Variants in ITSN1 observed in about 807,000 individuals in gnomAD.
ITSN1 encodes intersectin-1.
In ITSN1, 58 loss-of-function variants were observed where a neutral mutation model predicts 239.8. That is an observed-to-expected ratio of 0.24 (90% CI 0.20 to 0.30). The LOEUF is 0.30. Among genes scored for constraint, ITSN1 ranks in the 10% least tolerant of loss-of-function variants. ITSN1 has a pLI of 1.00. For synonymous variants in ITSN1, 780 were observed against 770.8 expected, an observed-to-expected ratio of 1.01 and a Z score of -0.20; for missense variants, 1,558 against 2,103.3, an observed-to-expected ratio of 0.74 and a Z score of 5.07.
At chr21:33,839,402 C>T (rs1044599364) in intron 29 of ITSN1, among the ~76,000 whole-genome samples, 1 of 151,812 alleles carries the variant, frequency 6.6e-6, no homozygotes, top group African/African-American at 2.4e-5. Flanking sequence ...GCCATTTGAG[C>T]TGAGACCTGA....
chr21:33,867,211 A>G, intron 32 of ITSN1, 22 bp from the exon 33 acceptor site: 5 of 1,493,668 alleles, frequency 3.3e-6, no homozygotes, highest in Non-Finnish European at 3.7e-6. Context: ...TCTTAAGTAC[A>G]TTTAAAAACA....
chr21:33,830,168 G>T (rs896617067), intron 27 of ITSN1, among the ~76,000 whole-genome samples: 1 of 152,140 alleles, frequency 6.6e-6, no homozygotes, highest in Non-Finnish European at 1.5e-5. Flanking sequence ...GTGTGTGCGC[G>T]CACGTGTGTG....
intron 34 of ITSN1, among the ~76,000 whole-genome samples, chr21:33,877,599 C>T (rs996052219): frequency 1.1e-4 from 16 of 152,148 alleles, no homozygotes; most frequent in Non-Finnish European, 1.5e-4. Context: ...ACCTGTCACT[C>T]CTCCTCTGGG....
chr21:33,863,835 G>C (rs750064103), intron 31 of ITSN1, among the ~76,000 whole-genome samples: 14 of 152,158 alleles, frequency 9.2e-5, no homozygotes, highest in Non-Finnish European at 1.3e-4. Flanking sequence ...GCTCGTTGTG[G>C]TATTTCACAC....
intron 1 of ITSN1, among the ~76,000 whole-genome samples, chr21:33,671,787 G>A (rs966161764): frequency 4.6e-5 from 7 of 151,886 alleles, no homozygotes; most frequent in East Asian, 4.0e-4. Flanking sequence ...GCGAGACTCC[G>A]TCTCAAATAA....
In ITSN1 at chr21:33,865,528, A is replaced by G. The variant is rs377131158; in HGVS notation, c.4074+194A>G. Among the ~76,000 whole-genome samples, 6 of 152,198 alleles carry G rather than the reference A, an allele frequency of 3.9e-5. No homozygotes were observed. Among genetic ancestry groups the G allele is most frequent in the Admixed American group, 6.5e-5 (1 of 15,286 alleles). ...TGTCACCAAAGGGGTGGGCTTGGAG[A>G]GGAGGGGTGAACCCTGGGCTTGGAA... is the stretch of plus-strand genomic sequence containing the variant. On this transcript the variant is annotated intron_variant, in intron 32 of 39. Transcript: ENST00000381318. This position sits in a 1 kb window ranked among gnomAD's most constrained non-coding sequence, Gnocchi z 4.4.
intron 1 of ITSN1, among the ~76,000 whole-genome samples, chr21:33,650,323 A>G (rs2088397541): frequency 6.6e-6 from 1 of 152,158 alleles, no homozygotes; most frequent in African/African-American, 2.4e-5. Context: ...GTTAAGAAGG[A>G]CGCTGACTCT....
At chr21:33,871,034 G>T (rs936832558) in intron 33 of ITSN1, among the ~76,000 whole-genome samples, 3 of 152,100 alleles carry the variant, frequency 2.0e-5, no homozygotes, top group African/African-American at 7.2e-5. Context: ...GAGAGGCTGA[G>T]GCAGGAGAAT....
chr21:33,700,948 TTTCTGTG>T (rs2091978113), intron 1 of ITSN1, among the ~76,000 whole-genome samples: 1 of 128,786 alleles, frequency 7.8e-6, no homozygotes, highest in African/African-American at 3.0e-5. Flanking sequence ...AGATTTCTTT[TTTCTGTG>T]TGTGTGTGTG....
chr21:33,684,337 T>G (rs1229899332), intron 1 of ITSN1, among the ~76,000 whole-genome samples: 1 of 152,226 alleles, frequency 6.6e-6, no homozygotes, highest in Non-Finnish European at 1.5e-5. Flanking sequence ...TGAGTACCGA[T>G]TCACACTAAA....
intron 21 of ITSN1, among the ~76,000 whole-genome samples, chr21:33,812,659 C>T (rs1295051043): frequency 1.3e-5 from 2 of 152,110 alleles, no homozygotes; most frequent in Admixed American, 1.3e-4. Context: ...CCACCATGCC[C>T]AGCTAATTTT....
chr21:33,762,707 C>T (rs1484256373), intron 9 of ITSN1, among the ~76,000 whole-genome samples: 1 of 149,096 alleles, frequency 6.7e-6, no homozygotes, highest in Non-Finnish European at 1.5e-5. Context: ...CTCACTCTTT[C>T]ATCCAGATGG....
chr21:33,880,442 T>G (rs1473871735), intron 34 of ITSN1, among the ~76,000 whole-genome samples: 1 of 151,864 alleles, frequency 6.6e-6, no homozygotes, highest in African/African-American at 2.4e-5. Flanking sequence ...CTGCCTGGAG[T>G]GCAGAGGTGA....
At chr21:33,699,690 G>A (rs376708381) in intron 1 of ITSN1, among the ~76,000 whole-genome samples, 26 of 152,306 alleles carry the variant, frequency 1.7e-4, no homozygotes, top group Middle Eastern at 3.4e-3. Flanking sequence ...CTGCTTTCCA[G>A]CCTGGGTGAC....
chr21:33,763,248 A>AAAG (rs1295718435), intron 9 of ITSN1, among the ~76,000 whole-genome samples: 3 of 151,758 alleles, frequency 2.0e-5, no homozygotes, highest in Non-Finnish European at 4.4e-5. Flanking sequence ...AAAAAAAAAA[A>AAAG]AAAAACTCCG....
intron 30 of ITSN1, 61 bp from the exon 31 acceptor site, chr21:33,858,625 T>G: frequency 9.7e-7 from 1 of 1,034,414 alleles, no homozygotes; most frequent in Non-Finnish European, 1.5e-6. Context: ...CGGATCGGCG[T>G]GTGAGTGTGT....
At chr21:33,646,242 G>A (rs1235005429) in intron 1 of ITSN1, among the ~76,000 whole-genome samples, 1 of 152,178 alleles carries the variant, frequency 6.6e-6, no homozygotes, top group Non-Finnish European at 1.5e-5. Flanking sequence ...TTTCCCAGGC[G>A]TAGTGTGCTC....
At chr21:33,650,715 A>G (rs1198922837) in intron 1 of ITSN1, among the ~76,000 whole-genome samples, 2 of 152,230 alleles carry the variant, frequency 1.3e-5, no homozygotes, top group African/African-American at 2.4e-5. Flanking sequence ...AATGAAAGCT[A>G]TATAGCTAGT....
At chr21:33,763,405 A>G (rs768384814) in intron 9 of ITSN1, among the ~76,000 whole-genome samples, 18 of 152,220 alleles carry the variant, frequency 1.2e-4, no homozygotes, top group East Asian at 3.9e-4. Context: ...CCCCAGCACT[A>G]TTGACATTTT....
Sources: gnomAD v4.1 joint callset for allele counts (sites outside exome capture counted in the v4.1 genomes callset) on GRCh38, gnomAD v4.1.1 for gene constraint, Gnocchi (gnomAD v3.1) non-coding constraint, MANE v1.5 for transcripts, NCBI Gene and HGNC (gene_info 2026-07-23, HGNC 2026-07-21) for gene names.